The following DYNC2I1 variants were observed in gnomAD, a reference collection of about 807,000 sequenced individuals.
DYNC2I1 encodes the protein cytoplasmic dynein 2 intermediate chain 1.
Under a neutral mutation model 133.4 loss-of-function variants are expected in DYNC2I1, and 89 were observed. The ratio of observed to expected loss-of-function variants is 0.67; its 90% confidence interval spans 0.56 to 0.80. The LOEUF (loss-of-function observed/expected upper bound fraction) is 0.80, where lower values mean the gene tolerates loss of function less well. Ranked by LOEUF, DYNC2I1 falls within the 30% of genes least tolerant of loss-of-function variation. The pLI is 0.00. For missense variants in DYNC2I1, 1,291 were observed against 1,314.5 expected (o/e 0.98, Z 0.28); for synonymous variants, 504 against 484.3 (o/e 1.04, Z -0.54).
intron 3 of DYNC2I1, among the ~76,000 whole-genome samples, chr7:158,874,209 A>AT (rs35679970): frequency 0.15 from 20,934 of 141,196 alleles, 1,705 homozygotes; most frequent in Middle Eastern, 0.26. Context: ...GGCCTAATTA[A>AT]TTTTTTTTTT....
rs952354475 is a variant in DYNC2I1 at position 158,902,091 on chromosome 7, A to G, written c.1137+275A>G. The stretch of plus-strand genomic sequence containing the variant: ...TATACATAGGTATCTATAAAAATAC[A>G]TACACTTTCACATTCTCAGCACAAA... On this transcript the variant is annotated intron_variant, in intron 9 of 24. Coordinates refer to ENST00000407559, the MANE Select transcript of DYNC2I1 (RefSeq NM_018051.5). Among the ~76,000 whole-genome samples the G allele has an allele frequency of 2.0e-5, 3 of 152,246 alleles. No homozygotes were observed. In the South Asian group the frequency reaches 6.2e-4, roughly 31 times the overall value.
chr7:158,938,543 G>A (rs953501287), intron 23 of DYNC2I1, among the ~76,000 whole-genome samples: 4 of 152,150 alleles, frequency 2.6e-5, no homozygotes, highest in Admixed American at 6.5e-5. Context: ...GATCAGTTGA[G>A]GTCAGGAGTT....
intron 20 of DYNC2I1, among the ~76,000 whole-genome samples, chr7:158,928,275 C>T (rs910304422): frequency 1.3e-5 from 2 of 152,202 alleles, no homozygotes; most frequent in Non-Finnish European, 2.9e-5. Flanking sequence ...ATGTTTTGAT[C>T]TCAACTTCTT....
Position 158,880,106 on chromosome 7 carries a change from T to C in DYNC2I1, c.879+117T>C, listed in dbSNP as rs1301301603. ...GAGATTTGTGGCCTAGTAGTAGTAATTTAGGAAAAACGCAACTCAAGTCTT... is the reference window on the plus strand; with the variant it reads ...GAGATTTGTGGCCTAGTAGTAGTAACTTAGGAAAAACGCAACTCAAGTCTT... On this transcript the variant is annotated intron_variant, in intron 5 of 24. Transcript: ENST00000407559. The C allele has an allele frequency of 8.1e-6, 10 of 1,233,290 alleles. No individual in the cohort carries two copies. The Admixed American group carries it at 2.1e-4, about 26-fold the overall frequency. 76.4% of individuals were successfully genotyped at this position (1,233,290 alleles called of 1,614,324 possible). A position where few individuals can be genotyped will look rare whatever the true frequency, so the allele number is the denominator to read the frequency against.
At chr7:158,871,106 C>T (rs1207286071) in intron 2 of DYNC2I1, 36 bp from the exon 3 acceptor site, 2 of 1,573,320 alleles carry the variant, frequency 1.3e-6, no homozygotes, top group Non-Finnish European at 8.6e-7. Context: ...AATCTGCCTT[C>T]CTGGTCACGG....
intron 1 of DYNC2I1, among the ~76,000 whole-genome samples, chr7:158,864,817 C>G (rs1842257232): frequency 6.6e-6 from 1 of 152,200 alleles, no homozygotes; most frequent in African/African-American, 2.4e-5. Flanking sequence ...AAAATAACTT[C>G]TTTTAAACAT....
At chr7:158,860,562 ATTTTC>A (rs946693571) in intron 1 of DYNC2I1, among the ~76,000 whole-genome samples, 10 of 152,230 alleles carry the variant, frequency 6.6e-5, no homozygotes, top group African/African-American at 2.4e-4. Context: ...CATGGTGACA[ATTTTC>A]TTTAATATTA....
chr7:158,878,931 G>T (rs1401539521), intron 4 of DYNC2I1, among the ~76,000 whole-genome samples: 3 of 145,350 alleles, frequency 2.1e-5, no homozygotes, highest in Non-Finnish European at 4.5e-5. Context: ...TGGGTGCCAT[G>T]TGGGGAGGCG....
intron 21 of DYNC2I1, among the ~76,000 whole-genome samples, chr7:158,930,784 C>T (rs1183085171): frequency 6.6e-6 from 1 of 152,090 alleles, no homozygotes; most frequent in Non-Finnish European, 1.5e-5. Flanking sequence ...TTCTCCTGTT[C>T]AGCCTTCTGA....
chr7:158,867,771 C>T (rs2129477009), intron 1 of DYNC2I1, among the ~76,000 whole-genome samples: 1 of 152,146 alleles, frequency 6.6e-6, no homozygotes, highest in East Asian at 1.9e-4. Context: ...GCTTGGGCAT[C>T]CTTGTGCTAT....
intron 8 of DYNC2I1, among the ~76,000 whole-genome samples, chr7:158,892,106 C>CA (rs935971118): frequency 5.3e-5 from 8 of 152,154 alleles, no homozygotes; most frequent in African/African-American, 1.9e-4. Flanking sequence ...CTGCGTACTC[C>CA]ACTGTCTCCT....
intron 8 of DYNC2I1, among the ~76,000 whole-genome samples, chr7:158,899,752 C>T (rs958202744): frequency 6.6e-5 from 10 of 152,182 alleles, no homozygotes; most frequent in African/African-American, 1.9e-4. Flanking sequence ...CCTGCCACCA[C>T]GTTCAAGAAG....
rs527817099 is a variant in DYNC2I1 at position 158,871,022 on chromosome 7, G to C, written c.70-120G>C. ...GATTGGAAACTGGGATTGGAAAGCA[G>C]TTGAATGCAAATATGTTTTAAGGCC... On this transcript the variant is annotated intron_variant, in intron 2 of 24. Coordinates refer to ENST00000407559, the MANE Select transcript of DYNC2I1 (RefSeq NM_018051.5). The C allele has an allele frequency of 4.2e-5, 50 of 1,185,856 alleles. No homozygotes were observed. The South Asian group carries it at 7.4e-4, about 18-fold the overall frequency. 73.5% of individuals were successfully genotyped at this position (1,185,856 alleles called of 1,614,324 possible).
intron 1 of DYNC2I1, among the ~76,000 whole-genome samples, chr7:158,869,055 G>A (rs1192094730): frequency 6.6e-6 from 1 of 152,200 alleles, no homozygotes; most frequent in African/African-American, 2.4e-5. Context: ...AGCAGGCTTA[G>A]TTCTGTTGCT....
chr7:158,910,572 G>A (rs996950857), intron 11 of DYNC2I1, among the ~76,000 whole-genome samples: 2 of 149,864 alleles, frequency 1.3e-5, no homozygotes, highest in African/African-American at 4.9e-5. Flanking sequence ...TGTGGGCTGA[G>A]GGTGATTGGA....
chr7:158,905,911 T>C, intron 10 of DYNC2I1, 78 bp from the exon 11 acceptor site: 1 of 1,108,218 alleles, frequency 9.0e-7, no homozygotes, highest in South Asian at 1.4e-5. Context: ...ATGCCTATAA[T>C]TGTTTTACTC....
chr7:158,915,167 G>A (rs1292826579), intron 14 of DYNC2I1, among the ~76,000 whole-genome samples: 10 of 151,974 alleles, frequency 6.6e-5, no homozygotes, highest in Middle Eastern at 3.4e-3. Flanking sequence ...ATGTCAACAC[G>A]CTGGTTGACA....
intron 20 of DYNC2I1, among the ~76,000 whole-genome samples, chr7:158,927,408 T>TTA (rs376367100): frequency 7.0e-6 from 1 of 142,956 alleles, no homozygotes; most frequent in Admixed American, 7.0e-5. Flanking sequence ...GTCTCTCTGT[T>TTA]AAAAAAAAAA....
upstream of DYNC2I1, among the ~76,000 whole-genome samples, chr7:158,854,591 T>A (rs906313692): frequency 6.6e-6 from 1 of 152,080 alleles, no homozygotes; most frequent in Non-Finnish European, 1.5e-5. Flanking sequence ...TGTATACCTA[T>A]GTAACAAACC....
Sources: allele counts gnomAD v4.1 joint callset (sites outside exome capture counted in the v4.1 genomes callset), GRCh38; gene constraint gnomAD v4.1.1; transcripts MANE v1.5; gene names NCBI Gene and HGNC (gene_info 2026-07-23, HGNC 2026-07-21).